PROSER2: variants seen among roughly 807,000 people sequenced by gnomAD.
PROSER2 encodes proline and serine-rich protein 2.
Under a neutral mutation model 14.6 loss-of-function variants are expected in PROSER2, and 18 were observed. The ratio of observed to expected loss-of-function variants is 1.23; its 90% CI spans 0.85 to 1.83. The LOEUF is 1.83. Ranked by LOEUF, PROSER2 falls within the 40% of genes most tolerant of loss-of-function variation. The probability of loss-of-function intolerance (pLI) is 0.00; values close to 1 mark genes in which losing one functional copy is unlikely to be tolerated. For missense variants in PROSER2, 823 were observed against 629.8 expected, an observed-to-expected ratio of 1.31 and a Z score of -3.28; for synonymous variants, 367 against 286.4, an observed-to-expected ratio of 1.28 and a Z score of -2.84.
chr10:11,847,921 C>T (rs1003390673), intron 1 of PROSER2, among the ~76,000 whole-genome samples: 5 of 152,276 alleles, frequency 3.3e-5, no homozygotes, highest in East Asian at 1.9e-4. Context: ...AACTTGATAA[C>T]GGTTTTTATT....
intron 1 of PROSER2, among the ~76,000 whole-genome samples, chr10:11,825,543 A>C (rs1196570623): frequency 6.6e-6 from 1 of 152,210 alleles, no homozygotes; most frequent in Admixed American, 6.5e-5. Flanking sequence ...GCCTGTGTTC[A>C]TGGAGGCACT....
At chr10:11,848,045 G>A (rs573159364) in intron 1 of PROSER2, among the ~76,000 whole-genome samples, 1 of 152,280 alleles carries the variant, frequency 6.6e-6, no homozygotes, top group Non-Finnish European at 1.5e-5. Flanking sequence ...TCTCTTCCCA[G>A]AGTCAGCCAT....
intron 1 of PROSER2, among the ~76,000 whole-genome samples, chr10:11,841,408 A>G (rs918528605): frequency 4.0e-5 from 6 of 151,694 alleles, no homozygotes; most frequent in African/African-American, 1.5e-4. Context: ...ATTTTTCTCT[A>G]CTGTATGTTT....
rs1834475768 is a variant in PROSER2, at chr10:11,870,873, A to C, written c.*467A>C. ...AATAATAAAAAAAAATGCTTGTTTCATTTTTTAATGTCTTAATATACTTGC... is the reference window on the plus strand; with the variant it reads ...AATAATAAAAAAAAATGCTTGTTTCCTTTTTTAATGTCTTAATATACTTGC... On this transcript the variant is annotated 3_prime_UTR_variant, in exon 4 of 4. Transcript: ENST00000277570. The C allele has an allele frequency of 6.0e-6, 1 of 166,610 alleles. No individual in the cohort carries two copies. Among genetic ancestry groups the C allele is most frequent in the African/African-American group, 2.4e-5 (1 of 41,440 alleles). 10.3% of individuals were successfully genotyped at this position (166,610 alleles called of 1,614,324 possible).
Position 11,866,702 on chromosome 10 carries a change from C to G in PROSER2, c.310C>G (p.Pro104Ala), listed in dbSNP as rs934517251. The change falls in exon 3 of 4, where the codon CCT (proline) becomes GCT (alanine). Residue 104 changes from proline to alanine, a missense_variant. Physicochemically the swap from Pro to Ala is conservative, Grantham distance 27 (BLOSUM62 -1). Transcript: ENST00000277570. The surrounding 1 kb of genome is among the most constrained non-coding windows in gnomAD (Gnocchi z 6.0). ...GGAGAGCACCTCCAGTCCCTCCGAG[C>G]CTGAAGATGTCATCGACTTAGTGCA... ...LEESTSSPSEPEDVIDLVQPA... is the reference protein window; with the variant it reads ...LEESTSSPSEAEDVIDLVQPA... 1 of 1,614,080 alleles carries G rather than the reference C, an allele frequency of 6.2e-7. No homozygotes were observed. Among genetic ancestry groups the G allele is most frequent in the Non-Finnish European group, 8.5e-7 (1 of 1,180,028 alleles).
At chr10:11,841,272 A>G (rs1400928412) in intron 1 of PROSER2, among the ~76,000 whole-genome samples, 1 of 152,020 alleles carries the variant, frequency 6.6e-6, no homozygotes, top group Non-Finnish European at 1.5e-5. Flanking sequence ...AAACCTTTTC[A>G]ACACCCATGG....
rs550552645 is a variant in PROSER2, at chr10:11,831,728, T to G, written c.-82+8258T>G. The G allele has an allele frequency of 2.0e-5, 3 of 152,250 alleles. No homozygotes were observed. In the East Asian group the frequency reaches 5.8e-4, roughly 29 times the overall value. 9.4% of individuals were successfully genotyped at this position (152,250 alleles called of 1,614,324 possible). On this transcript the variant is annotated intron_variant, in intron 1 of 3. Coordinates refer to ENST00000277570, the MANE Select transcript of PROSER2 (RefSeq NM_153256.4). ...GATTGTTTTCAGGTGAGATTTTACTTTAGGAAAATCTGGTTTTGGTATCTT... is the reference window on the plus strand; with the variant it reads ...GATTGTTTTCAGGTGAGATTTTACTGTAGGAAAATCTGGTTTTGGTATCTT...
At position 11,838,643 on chromosome 10, in the gene PROSER2, C is replaced by T. The variant is rs1186895720; in HGVS notation, c.-81-13354C>T. On this transcript the variant is annotated intron_variant, in intron 1 of 3. Transcript: ENST00000277570. The surrounding 1 kb of genome is among the most constrained non-coding windows in gnomAD (Gnocchi z 4.4). ...TTCCCAGCAGGTTCACCAAGGTTGA[C>T]CCACATTCTTGCTGACACTTGTTAT... Among the ~76,000 whole-genome samples, 3 of 152,202 alleles carry T rather than the reference C, an allele frequency of 2.0e-5. No individual in the cohort carries two copies. The highest frequency in any genetic ancestry group is 2.0e-4 in the Admixed American group (3 of 15,270).
At chr10:11,864,026 G>A (rs778898080) in intron 2 of PROSER2, among the ~76,000 whole-genome samples, 1 of 152,082 alleles carries the variant, frequency 6.6e-6, no homozygotes, top group Non-Finnish European at 1.5e-5. Context: ...ACCTGGCTCC[G>A]TGTCTTCTGT....
rs555239893 is a variant in PROSER2 at position 11,844,822 on chromosome 10, A to C, written c.-81-7175A>C. On this transcript the variant is annotated intron_variant, in intron 1 of 3. Coordinates refer to ENST00000277570, the MANE Select transcript of PROSER2 (RefSeq NM_153256.4). ...TTTTTACTAGAGACAGGGTTTCACC[A>C]TGTTGGCCAGGCTGGTCTCAAACTC... is the stretch of plus-strand genomic sequence containing the variant. Among the ~76,000 whole-genome samples, 12 of 152,184 alleles carry C rather than the reference A, an allele frequency of 7.9e-5. No individual in the cohort carries two copies. In the South Asian group the frequency reaches 2.5e-3, roughly 32 times the overall value.
Position 11,866,491 on chromosome 10 carries a change from G to GTTT in PROSER2, c.139-39_139-37dup. ...CTTTTGTCTCTTTAGTGAAGCCAGT[G>GTTT]TTTGTTTTCTCTCTTCTGTTCCCAA... On this transcript the variant is annotated intron_variant, in intron 2 of 3. Coordinates refer to ENST00000277570, the MANE Select transcript of PROSER2 (RefSeq NM_153256.4). The surrounding 1 kb of genome is among the most constrained non-coding windows in gnomAD (Gnocchi z 6.0). 6.2e-7 allele frequency: 1 copy of GTTT among 1,605,880 alleles called. No homozygotes were observed. The highest frequency in any genetic ancestry group is 8.5e-7 in the Non-Finnish European group (1 of 1,175,042).
intron 1 of PROSER2, among the ~76,000 whole-genome samples, chr10:11,835,651 T>C (rs982100614): frequency 1.3e-5 from 2 of 152,164 alleles, no homozygotes; most frequent in South Asian, 2.1e-4. Flanking sequence ...TTTTTGTTAA[T>C]ACACAATTAC....
In PROSER2 at chr10:11,870,897, G is replaced by A. The variant is rs895185140; in HGVS notation, c.*491G>A. 1.8e-5 allele frequency: 3 copies of A among 162,612 alleles called. No individual in the cohort carries two copies. The highest frequency in any genetic ancestry group is 7.2e-5 in the African/African-American group (3 of 41,388). 10.1% of individuals were successfully genotyped at this position (162,612 alleles called of 1,614,324 possible). A position where few individuals can be genotyped will look rare whatever the true frequency, so the allele number is the denominator to read the frequency against. ...CATTTTTTAATGTCTTAATATACTT[G>A]CTTTTGTTTTTGAAGGGTGAGGCAT... On this transcript the variant is annotated 3_prime_UTR_variant, in exon 4 of 4. Coordinates refer to ENST00000277570, the MANE Select transcript of PROSER2 (RefSeq NM_153256.4).
chr10:11,846,247 A>G (rs777921009), intron 1 of PROSER2, among the ~76,000 whole-genome samples: 2 of 152,134 alleles, frequency 1.3e-5, no homozygotes, highest in African/African-American at 2.4e-5. Context: ...TCGGCCTCCC[A>G]TAGTGCTGGG....
intron 1 of PROSER2, among the ~76,000 whole-genome samples, chr10:11,839,811 T>C (rs971517615): frequency 2.2e-5 from 3 of 133,868 alleles, no homozygotes; most frequent in South Asian, 2.3e-4. Flanking sequence ...GGCAACAGAG[T>C]GAGATTGTCT....
intron 2 of PROSER2, among the ~76,000 whole-genome samples, chr10:11,855,333 G>T (rs1372171285): frequency 6.6e-6 from 1 of 151,680 alleles, no homozygotes; most frequent in Non-Finnish European, 1.5e-5. Flanking sequence ...AATTAGCTGG[G>T]CGTGTTGGCG....
chr10:11,868,360 C>G (rs1304105796), intron 3 of PROSER2, among the ~76,000 whole-genome samples: 4 of 152,230 alleles, frequency 2.6e-5, no homozygotes, highest in Non-Finnish European at 4.4e-5. Flanking sequence ...ACTGCACCCT[C>G]CAACTCCTGG....
chr10:11,842,229 A>C (rs1361963795), intron 1 of PROSER2, among the ~76,000 whole-genome samples: 2 of 152,032 alleles, frequency 1.3e-5, no homozygotes, highest in African/African-American at 2.4e-5. Flanking sequence ...TCAAAAAAAA[A>C]AAAAATCCAG....
In PROSER2 at chr10:11,851,988, T is replaced by C. The variant is rs999434847; in HGVS notation, c.-81-9T>C. 56 of 1,334,940 alleles carry C rather than the reference T, an allele frequency of 4.2e-5. No individual in the cohort carries two copies. The highest frequency in any genetic ancestry group is 3.8e-5 in the Non-Finnish European group (39 of 1,022,056). 82.7% of individuals were successfully genotyped at this position (1,334,940 alleles called of 1,614,324 possible). A position where few individuals can be genotyped will look rare whatever the true frequency, so the allele number is the denominator to read the frequency against. ...ACTGACCATTGTCATTCGTGTTTGG[T>C]GTCTCTAGGAGTGAGCTGTTGCCGC... On this transcript the variant is annotated splice_polypyrimidine_tract_variant and intron_variant, in intron 1 of 3. Transcript: ENST00000277570.
Sources: allele counts gnomAD v4.1 joint callset (sites outside exome capture counted in the v4.1 genomes callset), GRCh38; gene constraint gnomAD v4.1.1; non-coding constraint Gnocchi (gnomAD v3.1); transcripts MANE v1.5; gene names NCBI Gene and HGNC (gene_info 2026-07-23, HGNC 2026-07-21).